Variants in CACHD1 observed in about 807,000 individuals in gnomAD.
CACHD1 encodes the protein cache domain containing 1, also known as VWFA and cache domain-containing protein 1.
CACHD1 carries 71 observed loss-of-function variants against 138.7 expected under a neutral mutation model. That is an observed-to-expected ratio of 0.51 (90% CI 0.42 to 0.62). The LOEUF is 0.62. CACHD1 is among the 20% of genes least tolerant of loss of function. The pLI is 0.00. For missense variants in CACHD1, 1,389 were observed against 1,625.3 expected, an observed-to-expected ratio of 0.85 and a Z score of 2.50; for synonymous variants, 578 against 591.5, an observed-to-expected ratio of 0.98 and a Z score of 0.33.
At chr1:64,523,692 T>A (rs1646515012) in intron 1 of CACHD1, among the ~76,000 whole-genome samples, 1 of 152,214 alleles carries the variant, frequency 6.6e-6, no homozygotes, top group Non-Finnish European at 1.5e-5. Flanking sequence ...TGAAGCTTTT[T>A]AAGCCTGTGA....
Position 64,691,343 on chromosome 1 carries a change from CAGG to C in CACHD1, c.3612_3614del (p.Glu1204del). On this transcript the variant is annotated inframe_deletion, in exon 27 of 27. Transcript: ENST00000651257. Reference sequence around the variant, plus strand: ...TCTAGGTTACAGCACCATGAGCCCACAGGAGGACAGTGAAAATCCTCCATGCAA... The same window carrying C: ...TCTAGGTTACAGCACCATGAGCCCACAGGACAGTGAAAATCCTCCATGCAA... 6.2e-7 allele frequency: 1 copy of C among 1,614,018 alleles called. No homozygotes were observed. Among genetic ancestry groups the C allele is most frequent in the Non-Finnish European group, 8.5e-7 (1 of 1,179,964 alleles).
intron 4 of CACHD1, among the ~76,000 whole-genome samples, chr1:64,604,197 T>C (rs915134788): frequency 6.6e-6 from 1 of 152,230 alleles, no homozygotes; most frequent in South Asian, 2.1e-4. Flanking sequence ...AAGCTGTAAG[T>C]TGCATGTTTC....
At chr1:64,493,690 T>TCC (rs1294604311) in intron 1 of CACHD1, among the ~76,000 whole-genome samples, 1 of 152,128 alleles carries the variant, frequency 6.6e-6, no homozygotes, top group South Asian at 2.1e-4. Flanking sequence ...TACCTTCTTT[T>TCC]CCCCAGGGAA....
intron 8 of CACHD1, among the ~76,000 whole-genome samples, chr1:64,642,210 G>A (rs997956499): frequency 6.6e-6 from 1 of 152,194 alleles, no homozygotes; most frequent in East Asian, 1.9e-4. Context: ...ACGTGGTCTT[G>A]CAGAGGATTT....
At chr1:64,506,789 TAC>T (rs745889344) in intron 1 of CACHD1, among the ~76,000 whole-genome samples, 20 of 152,238 alleles carry the variant, frequency 1.3e-4, no homozygotes, top group Non-Finnish European at 2.5e-4. Context: ...TTGTTTTAAA[TAC>T]AGTTAAAGCT....
intron 4 of CACHD1, among the ~76,000 whole-genome samples, chr1:64,606,195 A>G (rs1265219303): frequency 6.6e-6 from 1 of 152,076 alleles, no homozygotes; most frequent in East Asian, 1.9e-4. Context: ...AACAAGTGAT[A>G]TGTTAGAAGA....
intron 2 of CACHD1, among the ~76,000 whole-genome samples, chr1:64,564,054 C>G (rs78026842): frequency 6.6e-6 from 1 of 152,114 alleles, no homozygotes; most frequent in Non-Finnish European, 1.5e-5. Context: ...ACTGAGGGTA[C>G]TTGGGGAACA....
chr1:64,630,075 A>G lies in CACHD1; in HGVS notation c.644+594A>G, dbSNP rs578036253. On this transcript the variant is annotated intron_variant, in intron 5 of 26. Transcript: ENST00000651257. ...TTGTATGACAAGACTCATTAATTATAGAACCCCCCCGAAGCAAATATACTT... is the reference window on the plus strand; with the variant it reads ...TTGTATGACAAGACTCATTAATTATGGAACCCCCCCGAAGCAAATATACTT... Among the ~76,000 whole-genome samples, 27 of 152,344 alleles carry G rather than the reference A, an allele frequency of 1.8e-4. No homozygotes were observed. In the South Asian group the frequency reaches 5.2e-3, roughly 29 times the overall value.
intron 1 of CACHD1, among the ~76,000 whole-genome samples, chr1:64,482,041 T>C (rs573985997): frequency 1.3e-5 from 2 of 152,312 alleles, no homozygotes; most frequent in East Asian, 3.9e-4. Context: ...AAGTATATCA[T>C]CTCTGATATA....
intron 7 of CACHD1, among the ~76,000 whole-genome samples, chr1:64,637,451 C>T (rs1428402168): frequency 6.6e-6 from 1 of 152,082 alleles, no homozygotes; most frequent in African/African-American, 2.4e-5. Context: ...ATGTGAAATC[C>T]CTTGATTTTC....
chr1:64,647,094 CT>C lies in CACHD1; in HGVS notation c.1157-703del, dbSNP rs1157991186. 5.3e-5 allele frequency among the ~76,000 whole-genome samples: 8 copies of C among 150,800 alleles called. No homozygotes were observed. The East Asian group carries it at 1.6e-3, about 29-fold the overall frequency. ...AAAAAAAAAAAGTGTATTAAATTTACTTTTGTGCTATAAATTACAGATGTTG... is the reference window on the plus strand; with the variant it reads ...AAAAAAAAAAAGTGTATTAAATTTACTTTGTGCTATAAATTACAGATGTTG... On this transcript the variant is annotated intron_variant, in intron 8 of 26. Coordinates refer to ENST00000651257, the MANE Select transcript of CACHD1 (RefSeq NM_020925.4).
chr1:64,569,996 T>C (rs1646913999), intron 2 of CACHD1, among the ~76,000 whole-genome samples: 1 of 152,088 alleles, frequency 6.6e-6, no homozygotes, highest in African/African-American at 2.4e-5. Flanking sequence ...TCCAGCCCTC[T>C]CCCTACCCCA....
At chr1:64,572,846 G>A (rs1646936913) in intron 2 of CACHD1, among the ~76,000 whole-genome samples, 1 of 152,114 alleles carries the variant, frequency 6.6e-6, no homozygotes, top group Admixed American at 6.5e-5. Flanking sequence ...TGTTGGATGG[G>A]CTATTCCCTC....
intron 1 of CACHD1, among the ~76,000 whole-genome samples, chr1:64,526,076 AGAT>A (rs1358483814): frequency 6.6e-6 from 1 of 152,240 alleles, no homozygotes; most frequent in Non-Finnish European, 1.5e-5. Flanking sequence ...ATTTAGGGTC[AGAT>A]GATGGTGAGT....
intron 26 of CACHD1, among the ~76,000 whole-genome samples, chr1:64,686,027 G>T (rs750729637): frequency 1.7e-4 from 26 of 152,172 alleles, no homozygotes; most frequent in South Asian, 6.2e-4. Context: ...CTTGATAAAA[G>T]GTGGAATATG....
chr1:64,512,966 AT>A (rs1163534391), intron 1 of CACHD1, among the ~76,000 whole-genome samples: 1 of 152,150 alleles, frequency 6.6e-6, no homozygotes, highest in Non-Finnish European at 1.5e-5. Context: ...AGAGGCACAA[AT>A]TTCCATCCTT....
chr1:64,559,506 G>T (rs1363906129), intron 2 of CACHD1, among the ~76,000 whole-genome samples: 3 of 152,136 alleles, frequency 2.0e-5, no homozygotes, highest in Non-Finnish European at 4.4e-5. Flanking sequence ...GACAGGAGAG[G>T]ATAGGAGGAG....
chr1:64,645,441 A>G (rs1648871772), intron 8 of CACHD1, among the ~76,000 whole-genome samples: 1 of 152,186 alleles, frequency 6.6e-6, no homozygotes, highest in Admixed American at 6.5e-5. Flanking sequence ...CATCGCATGT[A>G]CACCATAAAT....
chr1:64,643,035 CTAAAAAAAAAAAA>C (rs1211947276), intron 8 of CACHD1, among the ~76,000 whole-genome samples: 4 of 41,486 alleles, frequency 9.6e-5, no homozygotes, highest in Non-Finnish European at 1.5e-4. Flanking sequence ...AAGACTCTGT[CTAAAAAAAAAAAA>C]AAAAAAAAAA....
Sources: allele counts gnomAD v4.1 joint callset (sites outside exome capture counted in the v4.1 genomes callset), GRCh38; gene constraint gnomAD v4.1.1; transcripts MANE v1.5; gene names NCBI Gene and HGNC (gene_info 2026-07-23, HGNC 2026-07-21).